Variants in NKTR observed in about 807,000 individuals in gnomAD.
NKTR encodes the protein natural killer cell triggering receptor.
Under a neutral mutation model 156.3 loss-of-function variants are expected in NKTR, and 67 were observed. The ratio of observed to expected loss-of-function variants is 0.43; its 90% confidence interval spans 0.35 to 0.53. The LOEUF is 0.53. Among genes scored for constraint, NKTR ranks in the 20% least tolerant of loss-of-function variants. NKTR has a pLI of 0.01. For missense variants in NKTR, 1,604 were observed against 1,730.9 expected (o/e 0.93, Z 1.30); for synonymous variants, 640 against 596.6 (o/e 1.07, Z -1.06).
chr3:42,602,294 T>C (rs1705575987), intron 2 of NKTR: 2 of 152,198 alleles, frequency 1.3e-5, no homozygotes, highest in South Asian at 4.1e-4. Context: ...TAGGAGCAAA[T>C]AGACTATATA....
At chr3:42,620,938 TTAATA>T (rs1707847547) in intron 5 of NKTR, 15 of 893,576 alleles carry the variant, frequency 1.7e-5, no homozygotes, top group Non-Finnish European at 2.0e-5. Flanking sequence ...TTCCTGTAAC[TTAATA>T]TAACATAATT....
At chr3:42,611,718 G>C (rs1229611192) in intron 2 of NKTR, among the ~76,000 whole-genome samples, 1 of 144,790 alleles carries the variant, frequency 6.9e-6, no homozygotes, top group Non-Finnish European at 1.5e-5. Context: ...GGGTGACAGA[G>C]TGAGACTCTG....
At chr3:42,617,413 G>T (rs1707478667) in intron 2 of NKTR, among the ~76,000 whole-genome samples, 157 bp from the exon 3 acceptor site, 1 of 152,074 alleles carries the variant, frequency 6.6e-6, no homozygotes, top group South Asian at 2.1e-4. Flanking sequence ...TTGTTCATAG[G>T]TATCACCCAG....
intron 2 of NKTR, among the ~76,000 whole-genome samples, chr3:42,610,192 C>T (rs555177651): frequency 5.9e-5 from 9 of 152,048 alleles, no homozygotes; most frequent in Non-Finnish European, 8.8e-5. Flanking sequence ...TTAGTAGAGA[C>T]GGGGTTTCTC....
chr3:42,600,850 T>G (rs1705321845), intron 1 of NKTR, 72 bp downstream of exon 1: 1 of 490,292 alleles, frequency 2.0e-6, no homozygotes, highest in East Asian at 3.7e-5. Flanking sequence ...GGGCCTCGTC[T>G]TGGCCTCCTG....
intron 2 of NKTR, chr3:42,602,671 G>C (rs1418733383): frequency 1.4e-5 from 2 of 147,618 alleles, no homozygotes; most frequent in African/African-American, 5.0e-5. Flanking sequence ...AGAAAGCCTT[G>C]ATGGACCTTA....
intron 3 of NKTR, among the ~76,000 whole-genome samples, chr3:42,618,023 T>C (rs1707544895): frequency 6.6e-6 from 1 of 151,548 alleles, no homozygotes; most frequent in Non-Finnish European, 1.5e-5. Context: ...ATAGAAAAAA[T>C]GGGGAGGGAA....
chr3:42,633,503 T>C, intron 9 of NKTR, 77 bp from the exon 10 acceptor site: 3 of 1,541,066 alleles, frequency 1.9e-6, no homozygotes, highest in Non-Finnish European at 2.6e-6. Context: ...GCTGTTGTTT[T>C]AGTAACTAAT....
At chr3:42,603,373 A>AC (rs879777533) in intron 2 of NKTR, among the ~76,000 whole-genome samples, 2,355 of 150,244 alleles carry the variant, frequency 0.016, 62 homozygotes, top group African/African-American at 0.054. Context: ...AAAAAAAAAA[A>AC]AAAAAAAAAA....
chr3:42,617,667 T>A, intron 3 of NKTR, 23 bp downstream of exon 3: 6 of 1,305,752 alleles, frequency 4.6e-6, no homozygotes, highest in Non-Finnish European at 6.7e-6. Context: ...TTATTTCCAA[T>A]GAGAAGCTGT....
chr3:42,628,172 CTT>C (rs1350726134), intron 6 of NKTR: 10 of 985,042 alleles, frequency 1.0e-5, no homozygotes, highest in Non-Finnish European at 2.4e-6. Flanking sequence ...AAAGTGCAGA[CTT>C]ATATTTCTGT....
rs141867479 is a variant in NKTR, at chr3:42,638,487, A to C, written c.2783A>C (p.Lys928Thr). The C allele has an allele frequency of 3.2e-5, 52 of 1,610,892 alleles. No individual in the cohort carries two copies. The highest frequency in any genetic ancestry group is 4.2e-5 in the Non-Finnish European group (50 of 1,179,086). The change falls in exon 13 of 17, where the codon AAA becomes ACA. Residue 928 changes from lysine to threonine, a missense_variant. Transcript: ENST00000232978. ...SESEVSEIHIKVKPTTKSSTN... is the reference protein window; with the variant it reads ...SESEVSEIHITVKPTTKSSTN... ...TCAGAGGTTAGTGAAATTCACATCA[A>C]AGTCAAACCCACAACCAAGTCGTCC...
chr3:42,613,581 T>C (rs1707055156), intron 2 of NKTR, among the ~76,000 whole-genome samples: 1 of 152,234 alleles, frequency 6.6e-6, no homozygotes, highest in South Asian at 2.1e-4. Flanking sequence ...ATGTCTCCTT[T>C]TTAAACCATT....
At chr3:42,635,177 G>T in intron 11 of NKTR, 44 bp from the exon 12 acceptor site, 1 of 1,561,194 alleles carries the variant, frequency 6.4e-7, no homozygotes, top group Non-Finnish European at 8.7e-7. Flanking sequence ...GCAGACTGTC[G>T]TGGAGAGGCA....
At chr3:42,620,381 C>CA in intron 5 of NKTR, 1 of 1,043,834 alleles carries the variant, frequency 9.6e-7, no homozygotes, top group Non-Finnish European at 1.2e-6. Flanking sequence ...ATAATAGTAG[C>CA]ATCTGCATAA....
chr3:42,624,871 CA>C (rs1577499385), intron 6 of NKTR, among the ~76,000 whole-genome samples: 1 of 151,860 alleles, frequency 6.6e-6, no homozygotes, highest in East Asian at 1.9e-4. Context: ...ATACATTAAT[CA>C]AAAAGACAAA....
At chr3:42,633,239 G>A (rs1282745116) in intron 9 of NKTR, 4 of 540,326 alleles carry the variant, frequency 7.4e-6, no homozygotes, top group East Asian at 1.7e-4. Context: ...AGGGTCTTCC[G>A]CTATGTTGAC....
intron 2 of NKTR, among the ~76,000 whole-genome samples, chr3:42,609,743 T>G (rs1706581586): frequency 6.6e-6 from 1 of 152,226 alleles, no homozygotes; most frequent in Non-Finnish European, 1.5e-5. Flanking sequence ...GTTGGAGTTT[T>G]GTTTTTATAG....
intron 2 of NKTR, among the ~76,000 whole-genome samples, chr3:42,613,471 T>C (rs950902565): frequency 2.0e-5 from 3 of 152,208 alleles, no homozygotes; most frequent in Admixed American, 1.3e-4. Context: ...TTAATTGTTC[T>C]ATGGGCTATT....
Sources: allele counts gnomAD v4.1 joint callset (sites outside exome capture counted in the v4.1 genomes callset), GRCh38; gene constraint gnomAD v4.1.1; transcripts MANE v1.5; gene names NCBI Gene and HGNC (gene_info 2026-07-23, HGNC 2026-07-21).